Variants in EYS observed in about 807,000 individuals in gnomAD.
EYS encodes EGF-like photoreceptor maintenance factor.
A neutral mutation model predicts 282.1 loss-of-function variants in EYS; 250 were observed. The ratio of observed to expected loss-of-function variants is 0.89; its 90% CI spans 0.80 to 0.98. The LOEUF (loss-of-function observed/expected upper bound fraction) is 0.98, where lower values mean the gene tolerates loss of function less well. Ranked by LOEUF, EYS falls within the 50% of genes least tolerant of loss-of-function variation. EYS has a pLI of 0.00. For synonymous variants in EYS, 1,355 were observed against 1,282.9 expected, an observed-to-expected ratio of 1.06 and a Z score of -1.20; for missense variants, 4,016 against 3,709.0, an observed-to-expected ratio of 1.08 and a Z score of -2.15.
At chr6:63,833,614 C>A (rs1418601546) in intron 36 of EYS, among the ~76,000 whole-genome samples, 1 of 152,162 alleles carries the variant, frequency 6.6e-6, no homozygotes, top group East Asian at 1.9e-4. Flanking sequence ...GAATCAATAT[C>A]ATGAAAATGG....
intron 31 of EYS, among the ~76,000 whole-genome samples, chr6:64,154,858 A>G (rs1229508285): frequency 1.3e-5 from 2 of 152,188 alleles, no homozygotes; most frequent in Non-Finnish European, 2.9e-5. Flanking sequence ...TATTAAAATA[A>G]TACTCTACCC....
At chr6:64,255,652 A>G (rs1180079345) in intron 30 of EYS, among the ~76,000 whole-genome samples, 1 of 152,084 alleles carries the variant, frequency 6.6e-6, no homozygotes, top group East Asian at 1.9e-4. Context: ...TTACTATATT[A>G]TAAGAATTCA....
intron 22 of EYS, among the ~76,000 whole-genome samples, chr6:64,810,325 A>G (rs1212276081): frequency 7.2e-5 from 11 of 152,126 alleles, no homozygotes; most frequent in Non-Finnish European, 1.2e-4. Flanking sequence ...CTTCTGTGAA[A>G]GAAATGAATC....
At position 64,023,952 on chromosome 6, in the gene EYS, G is replaced by A. The variant is rs552387616; in HGVS notation, c.6726-24769C>T. Among the ~76,000 whole-genome samples the A allele has an allele frequency of 3.1e-4, 47 of 152,292 alleles. 1 individual carries two copies. The highest frequency in any genetic ancestry group is 5.8e-4 in the East Asian group (3 of 5,154). On this transcript the variant is annotated intron_variant, in intron 33 of 42. Coordinates refer to ENST00000503581, the MANE Select transcript of EYS (RefSeq NM_001142800.2). Reference sequence around the variant, plus strand: ...CAGCTGCTGTGCTCAATTTCTCACCGGGCCTTGGCTGCCTTCCCGCGGGGC... The same window carrying A: ...CAGCTGCTGTGCTCAATTTCTCACCAGGCCTTGGCTGCCTTCCCGCGGGGC...
At chr6:64,844,405 AT>A (rs1562221843) in intron 19 of EYS, among the ~76,000 whole-genome samples, 1 of 151,554 alleles carries the variant, frequency 6.6e-6, no homozygotes, top group African/African-American at 2.4e-5. Flanking sequence ...TTGATACTCA[AT>A]AATGAATTCT....
At chr6:64,982,177 T>C (rs1448415086) in intron 14 of EYS, among the ~76,000 whole-genome samples, 2 of 151,422 alleles carry the variant, frequency 1.3e-5, no homozygotes, top group African/African-American at 2.4e-5. Context: ...TTTAATTATG[T>C]ATCTCTGCAT....
chr6:65,482,353 G>GT (rs1765638970), intron 5 of EYS, among the ~76,000 whole-genome samples: 1 of 152,118 alleles, frequency 6.6e-6, no homozygotes, highest in African/African-American at 2.4e-5. Flanking sequence ...ATCAGCTCAT[G>GT]TGACTCCATT....
intron 31 of EYS, among the ~76,000 whole-genome samples, chr6:64,180,914 G>C (rs916391679): frequency 1.3e-5 from 2 of 152,084 alleles, no homozygotes; most frequent in Non-Finnish European, 2.9e-5. Context: ...CCCAGGTAGA[G>C]AGCACAGTAC....
chr6:64,406,484 C>T (rs1354167935), intron 28 of EYS, among the ~76,000 whole-genome samples: 1 of 152,152 alleles, frequency 6.6e-6, no homozygotes, highest in African/African-American at 2.4e-5. Context: ...AACTAAAGAG[C>T]TTCTGCACAG....
In EYS at chr6:65,009,128, G is replaced by A. The variant is rs770302833; in HGVS notation, c.2138-11425C>T. ...GGAAGGAATTAATCCTAAAGTCTAG[G>A]CAACAGAAGGACAATATAGACGAGC... On this transcript the variant is annotated intron_variant, in intron 13 of 42. Transcript: ENST00000503581. 3.9e-5 allele frequency among the ~76,000 whole-genome samples: 6 copies of A among 152,128 alleles called. No homozygotes were observed. The South Asian group carries it at 8.3e-4, about 21-fold the overall frequency.
intron 5 of EYS, among the ~76,000 whole-genome samples, chr6:65,443,969 C>A (rs75839366): frequency 0.047 from 7,071 of 151,546 alleles, 455 homozygotes; most frequent in African/African-American, 0.14. Context: ...CTGGATGGAA[C>A]AAGTAATAAT....
At chr6:65,414,426 C>T (rs1767150517) in intron 5 of EYS, among the ~76,000 whole-genome samples, 2 of 152,026 alleles carry the variant, frequency 1.3e-5, no homozygotes, top group African/African-American at 2.4e-5. Context: ...TAGACTACTG[C>T]AGTATTGCAG....
At chr6:64,552,733 T>C (rs911247937) in intron 26 of EYS, among the ~76,000 whole-genome samples, 2 of 151,028 alleles carry the variant, frequency 1.3e-5, no homozygotes, top group African/African-American at 4.9e-5. Context: ...GCCAACATGG[T>C]GAACCCCCCC....
intron 5 of EYS, among the ~76,000 whole-genome samples, chr6:65,434,613 C>G (rs1768006522): frequency 6.6e-6 from 1 of 152,098 alleles, no homozygotes; most frequent in African/African-American, 2.4e-5. Context: ...GCCACCGCGC[C>G]CGGCCACAAA....
intron 22 of EYS, among the ~76,000 whole-genome samples, chr6:64,688,110 T>C (rs1354786318): frequency 6.6e-6 from 1 of 152,102 alleles, no homozygotes; most frequent in Non-Finnish European, 1.5e-5. Flanking sequence ...TTGATTCTTC[T>C]CTCTTTTCTT....
intron 28 of EYS, among the ~76,000 whole-genome samples, chr6:64,389,819 G>A (rs916602993): frequency 3.3e-5 from 5 of 152,150 alleles, no homozygotes; most frequent in Admixed American, 3.3e-4. Context: ...CAGCGTGAGC[G>A]ACGCAGAAGA....
intron 26 of EYS, among the ~76,000 whole-genome samples, chr6:64,455,109 G>A (rs531875038): frequency 5.3e-5 from 8 of 152,026 alleles, no homozygotes; most frequent in African/African-American, 7.2e-5. Flanking sequence ...ACAGGATCTC[G>A]CTATGTTACC....
rs756697660 is a variant in EYS at position 64,591,640 on chromosome 6, T to C, written c.4227A>G (p.Leu1409=). Reference sequence around the variant, plus strand: ...CAACAGTCTGACAGTTCTCAAATAATAAAGATTGTGTAGGAAAAATAAAAT... The same window carrying C: ...CAACAGTCTGACAGTTCTCAAATAACAAAGATTGTGTAGGAAAAATAAAAT... ...MSDFIFPTQS[L]LFENCQTVAL... Residue 1409 remains leucine, a synonymous_variant, in exon 26 of 43, where the codon TTA becomes TTG. Transcript: ENST00000503581. 3.9e-6 allele frequency: 6 copies of C among 1,551,142 alleles called. No individual in the cohort carries two copies. The highest frequency in any genetic ancestry group is 4.4e-6 in the Non-Finnish European group (5 of 1,146,716).
intron 35 of EYS, among the ~76,000 whole-genome samples, chr6:63,952,739 A>T (rs937608962): frequency 6.9e-6 from 1 of 143,952 alleles, no homozygotes; most frequent in Non-Finnish European, 1.6e-5. Flanking sequence ...CCTCCTTCAC[A>T]TCCTCCCCTT....
Sources: gnomAD v4.1 joint callset for allele counts (sites outside exome capture counted in the v4.1 genomes callset) on GRCh38, gnomAD v4.1.1 for gene constraint, MANE v1.5 for transcripts, NCBI Gene and HGNC (gene_info 2026-07-23, HGNC 2026-07-21) for gene names.